The following TRIO variants were observed in gnomAD, a reference collection of about 807,000 sequenced individuals.
TRIO encodes triple functional domain protein.
Under a neutral mutation model 351.9 loss-of-function variants are expected in TRIO, and 58 were observed. The observed-to-expected ratio is 0.16, with a 90% confidence interval of 0.13 to 0.21. TRIO has a LOEUF of 0.21. Among genes scored for constraint, TRIO ranks in the 10% least tolerant of loss-of-function variants. TRIO has a pLI of 1.00. For synonymous variants in TRIO, 1,758 were observed against 1,595.7 expected, an observed-to-expected ratio of 1.10 and a Z score of -2.42; for missense variants, 3,201 against 4,027.8, an observed-to-expected ratio of 0.79 and a Z score of 5.56.
chr5:14,307,317 C>T (rs1202235948), intron 8 of TRIO, among the ~76,000 whole-genome samples: 1 of 152,224 alleles, frequency 6.6e-6, no homozygotes, highest in African/African-American at 2.4e-5. Context: ...ATGCCCCTTT[C>T]TCTTCTGGTC....
intron 1 of TRIO, among the ~76,000 whole-genome samples, chr5:14,231,930 T>C (rs1023051906): frequency 6.6e-6 from 1 of 152,030 alleles, no homozygotes; most frequent in African/African-American, 2.4e-5. Flanking sequence ...AATCTATATG[T>C]AGAAGATCAT....
rs765700098 is a variant in TRIO, at chr5:14,507,174, G to T, written c.8665G>T (p.Glu2889Ter). ...CGTGGTGCGATGGGGAAGCCTCACT[G>T]AAGGGAAGATCAGGGCGCACCTGGG... ...DCVVRWGSLT[E>*]GKIRAHLGEV... Residue 2889 changes from glutamate to a stop codon, truncating the protein, a stop_gained, in exon 56 of 57, where the codon GAA becomes TAA. Transcript: ENST00000344204. LOFTEE classifies it high-confidence loss of function. The T allele has an allele frequency of 6.2e-7, 1 of 1,612,538 alleles. No homozygotes were observed. The highest frequency in any genetic ancestry group is 8.5e-7 in the Non-Finnish European group (1 of 1,179,756).
intron 34 of TRIO, among the ~76,000 whole-genome samples, chr5:14,422,291 T>C (rs1050357767): frequency 6.6e-6 from 1 of 152,216 alleles, no homozygotes; most frequent in Non-Finnish European, 1.5e-5. Flanking sequence ...TGTTGCTTGC[T>C]ATTAAAGTTA....
chr5:14,268,017 A>T (rs1343147592), intron 1 of TRIO, among the ~76,000 whole-genome samples: 1 of 152,256 alleles, frequency 6.6e-6, no homozygotes, highest in Non-Finnish European at 1.5e-5. Flanking sequence ...ATCGCAATAA[A>T]AGTGAAGCAC....
intron 49 of TRIO, among the ~76,000 whole-genome samples, chr5:14,496,040 C>T (rs893284613): frequency 6.6e-6 from 1 of 152,190 alleles, no homozygotes; most frequent in Admixed American, 6.6e-5. Flanking sequence ...CCATCAGCAT[C>T]AAGACAAGAC....
chr5:14,468,931 C>G (rs897297841), intron 37 of TRIO, among the ~76,000 whole-genome samples: 1 of 152,144 alleles, frequency 6.6e-6, no homozygotes, highest in African/African-American at 2.4e-5. Context: ...TGGATTCATT[C>G]GTCTGGCTTA....
chr5:14,377,541 C>T (rs182482953), intron 19 of TRIO, among the ~76,000 whole-genome samples: 5 of 152,232 alleles, frequency 3.3e-5, no homozygotes, highest in East Asian at 1.9e-4. Flanking sequence ...TGAGCCACCG[C>T]GCCCAGCTTG....
At chr5:14,190,332 G>C (rs1790381051) in intron 1 of TRIO, among the ~76,000 whole-genome samples, 1 of 152,052 alleles carries the variant, frequency 6.6e-6, no homozygotes, top group South Asian at 2.1e-4. Flanking sequence ...TGATGACAGA[G>C]CTAACAGCAA....
intron 9 of TRIO, among the ~76,000 whole-genome samples, chr5:14,326,926 ATTAT>A (rs779084962): frequency 3.8e-4 from 58 of 152,182 alleles, no homozygotes; most frequent in Non-Finnish European, 6.6e-4. Context: ...GCTGTCTGCA[ATTAT>A]TTATTATTAT....
chr5:14,395,939 C>T (rs551583692), intron 28 of TRIO, among the ~76,000 whole-genome samples: 29 of 150,526 alleles, frequency 1.9e-4, no homozygotes, highest in African/African-American at 5.4e-4. Flanking sequence ...CCAGCTGCTC[C>T]GGAGGCTGAG....
chr5:14,210,224 G>A (rs1791798843), intron 1 of TRIO, among the ~76,000 whole-genome samples: 4 of 152,212 alleles, frequency 2.6e-5, no homozygotes. Context: ...GTGTGAAATG[G>A]CATGAAATTA....
At position 14,497,150 on chromosome 5, in the gene TRIO, G is replaced by A. The variant is rs1266714526; in HGVS notation, c.8019+133G>A. 3.0e-6 allele frequency: 4 copies of A among 1,328,356 alleles called. No individual in the cohort carries two copies. Among genetic ancestry groups the A allele is most frequent in the South Asian group, 1.5e-5 (1 of 65,838 alleles). The allele number at this position is 1,328,356 out of a possible 1,614,324, so 82.3% of individuals were successfully genotyped here. A position where few individuals can be genotyped will look rare whatever the true frequency, so the allele number is the denominator to read the frequency against. On this transcript the variant is annotated intron_variant, in intron 50 of 56. Coordinates refer to ENST00000344204, the MANE Select transcript of TRIO (RefSeq NM_007118.4). The surrounding 1 kb of genome is among the most constrained non-coding windows in gnomAD (Gnocchi z 4.4). ...CCCACCCACCAGCCCCGTGCCCTGCGTGTCCTGTAGGGTCTTGTTAGGGGC... is the reference window on the plus strand; with the variant it reads ...CCCACCCACCAGCCCCGTGCCCTGCATGTCCTGTAGGGTCTTGTTAGGGGC...
In TRIO at chr5:14,350,509, T is replaced by C. The variant is rs59687452; in HGVS notation, c.2047-7669T>C. On this transcript the variant is annotated intron_variant, in intron 11 of 56. Transcript: ENST00000344204. Reference sequence around the variant, plus strand: ...TCTGTGAGCTTTGGCCCCAGGTTAGTCACGTCCATCTTCTGTCCTACTTGG... The same window carrying C: ...TCTGTGAGCTTTGGCCCCAGGTTAGCCACGTCCATCTTCTGTCCTACTTGG... Among the ~76,000 whole-genome samples, 1,301 of 152,304 alleles carry C rather than the reference T, an allele frequency of 8.5e-3. 15 individuals are homozygous for C. Among genetic ancestry groups the C allele is most frequent in the African/African-American group, 0.029 (1,219 of 41,544 alleles).
chr5:14,228,739 G>A (rs573069013), intron 1 of TRIO, among the ~76,000 whole-genome samples: 3 of 152,274 alleles, frequency 2.0e-5, no homozygotes, highest in East Asian at 1.9e-4. Context: ...TAGAAAAAAA[G>A]GCTTTCTGTT....
intron 26 of TRIO, chr5:14,390,560 G>A (rs1746979641): frequency 1.8e-6 from 1 of 547,666 alleles, no homozygotes. Context: ...TTTGCTGATA[G>A]GTGAGTTCCC....
chr5:14,403,237 TGTGGTGAGGGTACAG>T (rs1748285401), intron 31 of TRIO, among the ~76,000 whole-genome samples: 1 of 59,706 alleles, frequency 1.7e-5, no homozygotes. Context: ...GGGTGTAGGT[TGTGGTGAGGGTACAG>T]GTGGTGGTGA....
At chr5:14,496,705 C>G (rs1756917702) in intron 49 of TRIO, among the ~76,000 whole-genome samples, 174 bp from the exon 50 acceptor site, 1 of 152,078 alleles carries the variant, frequency 6.6e-6, no homozygotes, top group Non-Finnish European at 1.5e-5. Context: ...GGTTTTATCT[C>G]CTGGTTCTTA....
At chr5:14,226,520 A>AT (rs1295798697) in intron 1 of TRIO, among the ~76,000 whole-genome samples, 3 of 152,200 alleles carry the variant, frequency 2.0e-5, no homozygotes, top group Non-Finnish European at 4.4e-5. Context: ...GAATCTGAAC[A>AT]TTCTTTTTGA....
intron 3 of TRIO, 43 bp downstream of exon 3, chr5:14,280,479 A>T (rs539365542): frequency 6.6e-7 from 1 of 1,518,252 alleles, no homozygotes; most frequent in Admixed American, 1.7e-5. Context: ...TGTCACATTT[A>T]CAAGAGATGT....
Sources: gnomAD v4.1 joint callset for allele counts (sites outside exome capture counted in the v4.1 genomes callset) on GRCh38, gnomAD v4.1.1 for gene constraint, Gnocchi (gnomAD v3.1) non-coding constraint, MANE v1.5 for transcripts, NCBI Gene and HGNC (gene_info 2026-07-23, HGNC 2026-07-21) for gene names.